Variants in TMED3 observed in about 807,000 individuals in gnomAD.
TMED3 encodes the protein transmembrane p24 trafficking protein 3.
TMED3 carries 9 observed loss-of-function variants against 15.0 expected under a neutral mutation model. That is an observed-to-expected ratio of 0.60 (90% CI 0.36 to 1.04). The LOEUF is 1.04. TMED3 is among the 50% of genes least tolerant of loss of function. The pLI, the probability that TMED3 is intolerant of heterozygous loss-of-function variation, is 0.01. For missense variants in TMED3, 267 were observed against 278.9 expected, an observed-to-expected ratio of 0.96 and a Z score of 0.30; for synonymous variants, 117 against 121.4, an observed-to-expected ratio of 0.96 and a Z score of 0.24.
At chr15:79,379,325 A>G (rs1893480271) in intron 2 of TMED3, among the ~76,000 whole-genome samples, 1 of 152,252 alleles carries the variant, frequency 6.6e-6, no homozygotes, top group Non-Finnish European at 1.5e-5. Flanking sequence ...GATGGAAAAT[A>G]TCTTCTATAT....
At chr15:79,387,151 C>G (rs1811970202) in intron 2 of TMED3, among the ~76,000 whole-genome samples, 1 of 152,080 alleles carries the variant, frequency 6.6e-6, no homozygotes, top group Non-Finnish European at 1.5e-5. Flanking sequence ...AAGAGAGTCT[C>G]TTGCATTTCC....
At chr15:79,383,122 C>T (rs1893565279) in intron 2 of TMED3, 6 of 1,161,206 alleles carry the variant, frequency 5.2e-6, no homozygotes, top group Non-Finnish European at 7.4e-6. Flanking sequence ...CACAGCTTTA[C>T]TGCCATGGTG....
chr15:79,406,144 A>G (rs977929802), intron 2 of TMED3, among the ~76,000 whole-genome samples: 1 of 152,160 alleles, frequency 6.6e-6, no homozygotes, highest in African/African-American at 2.4e-5. Context: ...GGACCATCAC[A>G]CTTGCACTCT....
At chr15:79,374,639 C>A (rs2010459) in intron 2 of TMED3, among the ~76,000 whole-genome samples, 16,741 of 152,174 alleles carry the variant, frequency 0.11, 992 homozygotes, top group Admixed American at 0.14. Context: ...TACATTCTCT[C>A]CCATCCCCAA....
rs367676078 is a variant in TMED3 at position 79,338,925 on chromosome 15, C to T, written c.417+24920C>T. ...CCGGGAAAGGGAGTCTCCCTTTCCC[C>T]GGGGAATTTAGAGAAGACTGTACTC... On this transcript the variant is annotated intron_variant, in intron 2 of 2. Coordinates refer to the TMED3 transcript ENST00000424155. Among the ~76,000 whole-genome samples the T allele has an allele frequency of 1.6e-4, 24 of 152,106 alleles. No homozygotes were observed. In the South Asian group the frequency reaches 2.5e-3, roughly 16 times the overall value.
At chr15:79,329,227 C>A (rs1221132621) in intron 2 of TMED3, among the ~76,000 whole-genome samples, 1 of 152,232 alleles carries the variant, frequency 6.6e-6, no homozygotes, top group East Asian at 1.9e-4. Context: ...CAGGGCCTGG[C>A]CTTTAGCCCT....
chr15:79,367,158 A>T (rs570688413), intron 2 of TMED3, among the ~76,000 whole-genome samples: 1 of 152,300 alleles, frequency 6.6e-6, no homozygotes, highest in South Asian at 2.1e-4. Context: ...GGCATCTTTA[A>T]CCAAATGCAT....
chr15:79,339,258 G>T (rs1043522489), intron 2 of TMED3, among the ~76,000 whole-genome samples: 1 of 152,136 alleles, frequency 6.6e-6, no homozygotes, highest in Non-Finnish European at 1.5e-5. Flanking sequence ...ATTGGAGATG[G>T]CTCACTCTCC....
intron 2 of TMED3, among the ~76,000 whole-genome samples, chr15:79,360,118 T>C (rs1893095990): frequency 6.6e-6 from 1 of 151,770 alleles, no homozygotes; most frequent in East Asian, 1.9e-4. Flanking sequence ...GCACAGCGGG[T>C]CAGTGAGAGG....
At chr15:79,343,415 G>A (rs1295081395) in intron 2 of TMED3, among the ~76,000 whole-genome samples, 2 of 152,210 alleles carry the variant, frequency 1.3e-5, no homozygotes, top group African/African-American at 4.8e-5. Flanking sequence ...GAGATCATCT[G>A]TCTTCGCTCA....
intron 2 of TMED3, among the ~76,000 whole-genome samples, chr15:79,399,036 G>A (rs780080854): frequency 5.9e-5 from 9 of 152,082 alleles, no homozygotes; most frequent in Non-Finnish European, 8.8e-5. Flanking sequence ...TCAGCCTCCC[G>A]AGTAGCTGGA....
At chr15:79,363,050 C>T (rs569345061) in intron 2 of TMED3, among the ~76,000 whole-genome samples, 8 of 152,102 alleles carry the variant, frequency 5.3e-5, no homozygotes, top group Non-Finnish European at 1.2e-4. Context: ...AGTCCAGAAT[C>T]AGATGCAGGT....
At chr15:79,384,226 C>A (rs1893589604) in intron 2 of TMED3, 1 of 152,184 alleles carries the variant, frequency 6.6e-6, no homozygotes, top group Non-Finnish European at 1.5e-5. Flanking sequence ...TAATACTAAA[C>A]AAAGGACTTG....
rs1487201580 is a variant in TMED3, at chr15:79,311,123, C to G, written c.-127C>G. The G allele has an allele frequency of 5.5e-6, 6 of 1,087,606 alleles. No individual in the cohort carries two copies. In the South Asian group the frequency reaches 8.9e-5, roughly 16 times the overall value. The allele number at this position is 1,087,606 out of a possible 1,614,324, so 67.4% of individuals were successfully genotyped here. Reference sequence around the variant, plus strand: ...ACTGAGCCGCCGGCCCTCCCGGAAGCGCAGAGCTCCGCTGGTGCCACGTCT... The same window carrying G: ...ACTGAGCCGCCGGCCCTCCCGGAAGGGCAGAGCTCCGCTGGTGCCACGTCT... On this transcript the variant is annotated 5_prime_UTR_variant, in exon 1 of 3. Transcript: ENST00000299705.
rs193101040 is a variant in TMED3 at position 79,409,458 on chromosome 15, G to A, written c.418-1942G>A. On this transcript the variant is annotated intron_variant, in intron 2 of 2. Transcript: ENST00000424155. ...TTGGAGGTGGGGCAAGGGAGGACCC[G>A]TATTCCATTTGCAAAGTCACAAACA... Among the ~76,000 whole-genome samples the A allele has an allele frequency of 3.9e-5, 6 of 152,290 alleles. No individual in the cohort carries two copies. The South Asian group carries it at 6.2e-4, about 16-fold the overall frequency.
chr15:79,388,046 T>G (rs938835672), intron 2 of TMED3, among the ~76,000 whole-genome samples: 2 of 152,132 alleles, frequency 1.3e-5, no homozygotes, highest in Non-Finnish European at 2.9e-5. Flanking sequence ...AATATAGGAT[T>G]TTTTTCCATT....
downstream of TMED3, among the ~76,000 whole-genome samples, chr15:79,323,538 A>G (rs940854732): frequency 2.6e-5 from 4 of 152,224 alleles, no homozygotes; most frequent in African/African-American, 9.6e-5. Context: ...AAATATGTCT[A>G]AAGTGAAAAA....
At chr15:79,331,884 A>G (rs994662015) in intron 2 of TMED3, among the ~76,000 whole-genome samples, 9 of 152,162 alleles carry the variant, frequency 5.9e-5, no homozygotes, top group Non-Finnish European at 8.8e-5. Context: ...GGCTATTTTG[A>G]AAAAGACAAA....
intron 2 of TMED3, among the ~76,000 whole-genome samples, chr15:79,346,483 T>C (rs2141231435): frequency 6.6e-6 from 1 of 152,290 alleles, no homozygotes; most frequent in Middle Eastern, 3.4e-3. Context: ...CCTGCCACCA[T>C]ATATATGTGC....
Sources: gnomAD v4.1 joint callset for allele counts (sites outside exome capture counted in the v4.1 genomes callset) on GRCh38, gnomAD v4.1.1 for gene constraint, MANE v1.5 for transcripts, NCBI Gene and HGNC (gene_info 2026-07-23, HGNC 2026-07-21) for gene names.